The following MX2 variants were observed in gnomAD, a reference collection of about 807,000 sequenced individuals.
MX2 encodes the protein MX dynamin like GTPase 2, also known as interferon-induced GTP-binding protein Mx2.
In MX2, 51 loss-of-function variants were observed where a neutral mutation model predicts 74.0. The observed-to-expected ratio is 0.69, with a 90% CI of 0.55 to 0.87. The LOEUF (loss-of-function observed/expected upper bound fraction) is 0.87, where lower values mean the gene tolerates loss of function less well. Among genes scored for constraint, MX2 ranks in the 40% least tolerant of loss-of-function variants. The pLI, the probability that MX2 is intolerant of heterozygous loss-of-function variation, is 0.00. For missense variants in MX2, 832 were observed against 908.7 expected (o/e 0.92, Z 1.09); for synonymous variants, 369 against 339.3 (o/e 1.09, Z -0.96).
chr21:41,385,884 A>T (rs2089565458), intron 5 of MX2, among the ~76,000 whole-genome samples: 1 of 152,216 alleles, frequency 6.6e-6, no homozygotes, highest in African/African-American at 2.4e-5. Context: ...AAAAGTTGGA[A>T]ATAGCACAAA....
At chr21:41,397,554 G>C in intron 7 of MX2, 59 bp from the exon 8 acceptor site, 1 of 1,509,786 alleles carries the variant, frequency 6.6e-7, no homozygotes, top group Non-Finnish European at 9.2e-7. Context: ...ACAAAGTCCG[G>C]TACTAGCAAG....
chr21:41,395,855 G>A, intron 7 of MX2, 70 bp downstream of exon 7: 6 of 1,494,972 alleles, frequency 4.0e-6, no homozygotes, highest in Non-Finnish European at 5.5e-6. Flanking sequence ...AGTTGGCCCA[G>A]ATCATGACCA....
intron 7 of MX2, 102 bp from the exon 8 acceptor site, chr21:41,397,511 G>A (rs2089751113): frequency 2.0e-6 from 2 of 1,008,166 alleles, no homozygotes; most frequent in Non-Finnish European, 3.0e-6. Context: ...GATGGCACGT[G>A]TTGCCCCGGG....
intron 12 of MX2, 100 bp downstream of exon 12, chr21:41,403,443 G>A: frequency 9.1e-7 from 1 of 1,097,654 alleles, no homozygotes; most frequent in Non-Finnish European, 1.4e-6. Context: ...TGAGGCCAGG[G>A]ATGTAATGGC....
intron 4 of MX2, among the ~76,000 whole-genome samples, chr21:41,381,457 A>G (rs928892282): frequency 8.5e-5 from 13 of 152,250 alleles, no homozygotes; most frequent in Admixed American, 6.5e-4. Flanking sequence ...AGGCCGAGGC[A>G]GGCGGATCAC....
Position 41,386,219 on chromosome 21 carries a change from C to CAAAAAAAA in MX2, c.732+3678_732+3685dup, listed in dbSNP as rs59005802. 1.7e-3 allele frequency among the ~76,000 whole-genome samples: 53 copies of CAAAAAAAA among 32,028 alleles called. 1 individual carries two copies. Among genetic ancestry groups the CAAAAAAAA allele is most frequent in the East Asian group, 2.2e-3 (2 of 890 alleles). 21.0% of individuals were successfully genotyped at this position (32,028 alleles called of 152,430 possible). A position where few individuals can be genotyped will look rare whatever the true frequency, so the allele number is the denominator to read the frequency against. On this transcript the variant is annotated intron_variant, in intron 5 of 13. Transcript: ENST00000330714. ...TGGGCAACAGAGTAATACTCCATCTCAAAAAAAAAAAAAAAAAAAAAAAAA... is the reference window on the plus strand; with the variant it reads ...TGGGCAACAGAGTAATACTCCATCTCAAAAAAAAAAAAAAAAAAAAAAAAAAAAAAAAA...
In MX2 at chr21:41,397,601, G is replaced by A. The variant is rs1453966477; in HGVS notation, c.1071-12G>A. ...GTCCTTCCTGAATGCATGAATGTCT[G>A]TCTCATTTCAGAGTTCTCCTGGAGG... On this transcript the variant is annotated splice_polypyrimidine_tract_variant and intron_variant, in intron 7 of 13. Transcript: ENST00000330714. 1 of 1,612,498 alleles carries A rather than the reference G, an allele frequency of 6.2e-7. No homozygotes were observed. The highest frequency in any genetic ancestry group is 1.1e-5 in the South Asian group (1 of 91,032).
At position 41,368,177 on chromosome 21, in the gene MX2, C is replaced by T. The variant is rs2089284343; in HGVS notation, c.-72+6122C>T. 6.6e-6 allele frequency among the ~76,000 whole-genome samples: 1 copy of T among 152,216 alleles called. No individual in the cohort carries two copies. The highest frequency in any genetic ancestry group is 2.4e-5 in the African/African-American group (1 of 41,454). On this transcript the variant is annotated intron_variant, in intron 1 of 13. Transcript: ENST00000330714. This position sits in a 1 kb window ranked among gnomAD's most constrained non-coding sequence, Gnocchi z 4.6. ...CCTGCACCCCTAAGCCTCTTAAGCCCCCCACTTTCATTCCCTCCTGCCTCT... is the reference window on the plus strand; with the variant it reads ...CCTGCACCCCTAAGCCTCTTAAGCCTCCCACTTTCATTCCCTCCTGCCTCT...
chr21:41,388,826 C>T lies in MX2; in HGVS notation c.733-1739C>T, dbSNP rs943585138. On this transcript the variant is annotated intron_variant, in intron 5 of 13. Coordinates refer to ENST00000330714, the MANE Select transcript of MX2 (RefSeq NM_002463.2). This position sits in a 1 kb window ranked among gnomAD's most constrained non-coding sequence, Gnocchi z 4.0. ...AGAGCTTTTGTACCCCCAGGGGACACTGGCAATGTCAGGACATCTTTTTGC... is the reference window on the plus strand; with the variant it reads ...AGAGCTTTTGTACCCCCAGGGGACATTGGCAATGTCAGGACATCTTTTTGC... Among the ~76,000 whole-genome samples, 5 of 152,216 alleles carry T rather than the reference C, an allele frequency of 3.3e-5. No homozygotes were observed. Among genetic ancestry groups the T allele is most frequent in the African/African-American group, 1.2e-4 (5 of 41,442 alleles).
intron 5 of MX2, among the ~76,000 whole-genome samples, chr21:41,384,206 C>T (rs2089537542): frequency 6.6e-6 from 1 of 152,124 alleles, no homozygotes; most frequent in African/African-American, 2.4e-5. Context: ...CTGTTAAGCC[C>T]GTGGAACTGC....
chr21:41,383,938 C>T (rs946954187), intron 5 of MX2, among the ~76,000 whole-genome samples: 1 of 152,106 alleles, frequency 6.6e-6, no homozygotes, highest in Non-Finnish European at 1.5e-5. Flanking sequence ...TTCTGTGTCC[C>T]CACCCAAATC....
In MX2 at chr21:41,406,928, A is replaced by T; in HGVS notation, c.1835A>T (p.His612Leu). The T allele has an allele frequency of 6.2e-7, 1 of 1,614,162 alleles. No homozygotes were observed. The highest frequency in any genetic ancestry group is 1.1e-5 in the South Asian group (1 of 91,078). ...TPSQNMKLNS[H>L]FPSNESSVSS... ...TCACAGAATATGAAGTTGAACTCTC[A>T]TTTTCCCAGTAATGAGTCTTCGGTT... The change falls in exon 13 of 14, where the codon CAT becomes CTT. Residue 612 changes from histidine (H) to leucine (L), a missense_variant. Transcript: ENST00000330714.
chr21:41,391,472 TG>T (rs2089659563), intron 6 of MX2, among the ~76,000 whole-genome samples: 1 of 151,674 alleles, frequency 6.6e-6, no homozygotes, highest in Admixed American at 6.5e-5. Flanking sequence ...CTGTAACCTC[TG>T]CCTCCTGGAT....
At chr21:41,389,828 A>G (rs574475360) in intron 5 of MX2, 28 of 152,304 alleles carry the variant, frequency 1.8e-4, no homozygotes, top group African/African-American at 6.0e-4. Context: ...ATAAGGAACT[A>G]TGTCCCAAGG....
At chr21:41,367,743 A>G (rs1029843747) in intron 1 of MX2, among the ~76,000 whole-genome samples, 2 of 151,896 alleles carry the variant, frequency 1.3e-5, no homozygotes, top group East Asian at 1.9e-4. Context: ...GTTGACAGCA[A>G]CTCCAAATCC....
At position 41,373,870 on chromosome 21, in the gene MX2, G is replaced by A. The variant is rs2145868331; in HGVS notation, c.-71-2966G>A. On this transcript the variant is annotated intron_variant, in intron 1 of 13. Coordinates refer to ENST00000330714, the MANE Select transcript of MX2 (RefSeq NM_002463.2). The stretch of plus-strand genomic sequence containing the variant: ...GGTGTCCTCCCAGCCGGGCCTCGAT[G>A]GCTGTACTGCACCCCCCTCCTAAAC... The A allele has an allele frequency of 2.0e-5, 3 of 150,330 alleles. No homozygotes were observed. The South Asian group carries it at 6.3e-4, about 32-fold the overall frequency. The allele number at this position is 150,330 out of a possible 1,614,324, so 9.3% of individuals were successfully genotyped here.
rs546794235 is a variant in MX2, at chr21:41,406,951, G to T, written c.1858G>T (p.Val620Phe). Residue 620 changes from valine (V) to phenylalanine (F), a missense_variant, in exon 13 of 14, where the codon GTT becomes TTT. Val to Phe is a conservative substitution (Grantham distance 50). Coordinates refer to ENST00000330714, the MANE Select transcript of MX2 (RefSeq NM_002463.2). ...NSHFPSNESS[V>F]SSFTEIGIHL... ...TCATTTTCCCAGTAATGAGTCTTCG[G>T]TTTCCTCCTTTACTGAAATAGGCAT... is the stretch of plus-strand genomic sequence containing the variant. 2 of 1,613,792 alleles carry T rather than the reference G, an allele frequency of 1.2e-6. No homozygotes were observed. The highest frequency in any genetic ancestry group is 1.7e-6 in the Non-Finnish European group (2 of 1,179,838).
intron 9 of MX2, 64 bp downstream of exon 9, chr21:41,399,083 T>C (rs977788279): frequency 1.6e-5 from 26 of 1,595,602 alleles, no homozygotes; most frequent in Non-Finnish European, 1.9e-5. Context: ...GCAGCTGCCC[T>C]TCCCCTTCTT....
At chr21:41,399,482 C>A (rs943007158) in intron 10 of MX2, 145 bp downstream of exon 10, 2 of 846,572 alleles carry the variant, frequency 2.4e-6, no homozygotes, top group African/African-American at 1.7e-5. Flanking sequence ...TGTCTCTCAA[C>A]GAACAAAACC....
Sources: allele counts gnomAD v4.1 joint callset (sites outside exome capture counted in the v4.1 genomes callset), GRCh38; gene constraint gnomAD v4.1.1; non-coding constraint Gnocchi (gnomAD v3.1); transcripts MANE v1.5; gene names NCBI Gene and HGNC (gene_info 2026-07-23, HGNC 2026-07-21).